Variants in LRRC4C observed in about 807,000 individuals in gnomAD.
LRRC4C encodes the protein leucine rich repeat containing 4C, also known as leucine-rich repeat-containing protein 4C.
A neutral mutation model predicts 33.6 loss-of-function variants in LRRC4C; 5 were observed. The observed-to-expected ratio is 0.15, with a 90% confidence interval of 0.08 to 0.31. The LOEUF (loss-of-function observed/expected upper bound fraction) is 0.31, where lower values mean the gene tolerates loss of function less well. LRRC4C is among the 10% of genes least tolerant of loss of function. The pLI is 1.00. For missense variants in LRRC4C, 560 were observed against 796.7 expected (o/e 0.70, Z 3.58); for synonymous variants, 329 against 302.0 (o/e 1.09, Z -0.93).
chr11:41,404,629 C>T (rs143879038), intron 1 of LRRC4C, among the ~76,000 whole-genome samples: 3 of 151,892 alleles, frequency 2.0e-5, no homozygotes, highest in African/African-American at 4.8e-5. Flanking sequence ...AATCAAGACC[C>T]GCATCACCAG....
intron 1 of LRRC4C, among the ~76,000 whole-genome samples, chr11:41,354,187 A>G (rs891530917): frequency 6.6e-6 from 1 of 152,186 alleles, no homozygotes; most frequent in Non-Finnish European, 1.5e-5. Flanking sequence ...GTGTGGGAAT[A>G]CAAAAGTAAG....
chr11:40,998,157 T>C, intron 1 of LRRC4C, among the ~76,000 whole-genome samples: 1 of 152,058 alleles, frequency 6.6e-6, no homozygotes, highest in East Asian at 1.9e-4. Flanking sequence ...AAGAAACTAA[T>C]TCTGAACCTA....
At chr11:40,869,448 G>T (rs998468034) in intron 2 of LRRC4C, among the ~76,000 whole-genome samples, 5 of 152,194 alleles carry the variant, frequency 3.3e-5, no homozygotes, top group Admixed American at 2.6e-4. Context: ...CACAGCCAGC[G>T]CCAGGAAAAG....
At chr11:40,945,980 T>C (rs1267269736) in intron 1 of LRRC4C, among the ~76,000 whole-genome samples, 11 of 152,204 alleles carry the variant, frequency 7.2e-5, no homozygotes, top group Admixed American at 5.9e-4. Context: ...TGCAGGTTTG[T>C]TATATTTGTA....
chr11:41,178,269 A>G (rs1565454485), intron 1 of LRRC4C, among the ~76,000 whole-genome samples: 2 of 152,340 alleles, frequency 1.3e-5, no homozygotes, highest in South Asian at 2.1e-4. Context: ...TGTTTCTTAA[A>G]TGCTTACCCA....
intron 3 of LRRC4C, among the ~76,000 whole-genome samples, chr11:40,479,713 T>C (rs1416731846): frequency 1.3e-5 from 2 of 152,134 alleles, no homozygotes; most frequent in Non-Finnish European, 2.9e-5. Context: ...GACTGATCAT[T>C]TTATTTCTTA....
intron 1 of LRRC4C, among the ~76,000 whole-genome samples, chr11:41,355,796 G>GT (rs893876338): frequency 2.4e-4 from 36 of 152,074 alleles, no homozygotes; most frequent in Admixed American, 1.3e-4. Flanking sequence ...GATAATTCAT[G>GT]TTTTTTTAAA....
intron 1 of LRRC4C, among the ~76,000 whole-genome samples, chr11:41,258,490 G>A (rs1286055998): frequency 6.6e-6 from 1 of 151,852 alleles, no homozygotes; most frequent in Admixed American, 6.6e-5. Context: ...ACATAAGAAA[G>A]ACAACTGAAG....
At chr11:41,088,380 T>A (rs1434164066) in intron 1 of LRRC4C, among the ~76,000 whole-genome samples, 1 of 152,132 alleles carries the variant, frequency 6.6e-6, no homozygotes. Context: ...TTGTATGTAA[T>A]ATGTCTAATG....
At chr11:40,210,140 A>C (rs749193855) in intron 5 of LRRC4C, among the ~76,000 whole-genome samples, 11 of 151,906 alleles carry the variant, frequency 7.2e-5, no homozygotes, top group Non-Finnish European at 1.5e-4. Context: ...GTAGAAAAGA[A>C]TATATATAAA....
intron 1 of LRRC4C, among the ~76,000 whole-genome samples, chr11:41,212,062 A>T (rs1474532649): frequency 6.6e-6 from 1 of 152,174 alleles, no homozygotes; most frequent in African/African-American, 2.4e-5. Context: ...TTTATTTAAG[A>T]TGTATACAAA....
At position 40,930,461 on chromosome 11, in the gene LRRC4C, C is replaced by T. The variant is rs189272213; in HGVS notation, c.-407+3174G>A. Among the ~76,000 whole-genome samples the T allele has an allele frequency of 1.1e-3, 160 of 152,136 alleles. 1 individual carries two copies. The highest frequency in any genetic ancestry group is 3.7e-3 in the African/African-American group (153 of 41,550). On this transcript the variant is annotated intron_variant, in intron 2 of 6. Coordinates refer to ENST00000528697, the MANE Select transcript of LRRC4C (RefSeq NM_001258419.2). ...TAAATAGAATTAATATAATAGAATT[C>T]GGGGTCCTTCTGAATTAGTGTCTCT...
intron 3 of LRRC4C, among the ~76,000 whole-genome samples, chr11:40,448,906 A>G (rs1422457692): frequency 6.6e-6 from 1 of 152,174 alleles, no homozygotes; most frequent in East Asian, 1.9e-4. Context: ...CCCCTTTAGC[A>G]TCTGTTGTTT....
chr11:41,093,215 A>G (rs2135557629), intron 1 of LRRC4C, among the ~76,000 whole-genome samples: 1 of 152,356 alleles, frequency 6.6e-6, no homozygotes, highest in South Asian at 2.1e-4. Context: ...CAAAGGAAAA[A>G]GAATGATAAA....
At chr11:40,707,875 G>T (rs1489290218) in intron 2 of LRRC4C, among the ~76,000 whole-genome samples, 1 of 152,000 alleles carries the variant, frequency 6.6e-6, no homozygotes, top group Non-Finnish European at 1.5e-5. Context: ...ATTAATTATT[G>T]CCTCAATTTC....
intron 1 of LRRC4C, among the ~76,000 whole-genome samples, chr11:41,230,141 A>G (rs1309124963): frequency 1.3e-5 from 2 of 152,048 alleles, no homozygotes; most frequent in East Asian, 3.9e-4. Flanking sequence ...TTCTCTTTCA[A>G]TAGTCTTCTT....
intron 3 of LRRC4C, among the ~76,000 whole-genome samples, chr11:40,508,402 A>C (rs961473413): frequency 1.4e-4 from 21 of 152,198 alleles, no homozygotes; most frequent in African/African-American, 4.8e-4. Context: ...CCTAGATTTA[A>C]ATAGAACATA....
intron 2 of LRRC4C, among the ~76,000 whole-genome samples, chr11:40,891,742 A>G (rs1202351994): frequency 1.3e-5 from 2 of 152,212 alleles, no homozygotes; most frequent in Non-Finnish European, 2.9e-5. Context: ...TCCAAAAGAA[A>G]GACACTAATG....
At chr11:41,047,380 C>T (rs1470588090) in intron 1 of LRRC4C, among the ~76,000 whole-genome samples, 2 of 152,146 alleles carry the variant, frequency 1.3e-5, no homozygotes, top group Non-Finnish European at 2.9e-5. Context: ...GAGAAATTAA[C>T]TCTCTTACAT....
Sources: allele counts gnomAD v4.1 joint callset (sites outside exome capture counted in the v4.1 genomes callset), GRCh38; gene constraint gnomAD v4.1.1; transcripts MANE v1.5; gene names NCBI Gene and HGNC (gene_info 2026-07-23, HGNC 2026-07-21).